Variants in FBLN2 observed in about 807,000 individuals in gnomAD.
FBLN2 encodes fibulin-2.
FBLN2 carries 81 observed loss-of-function variants against 123.7 expected under a neutral mutation model. The ratio of observed to expected loss-of-function variants is 0.65; its 90% CI spans 0.55 to 0.79. The LOEUF is 0.79. Among genes scored for constraint, FBLN2 ranks in the 30% least tolerant of loss-of-function variants. The pLI is 0.00. For missense variants in FBLN2, 1,603 were observed against 1,681.3 expected (o/e 0.95, Z 0.81); for synonymous variants, 699 against 701.4 (o/e 1.00, Z 0.05).
At chr3:13,552,919 A>G (rs1317162481) in intron 1 of FBLN2, among the ~76,000 whole-genome samples, 1 of 152,066 alleles carries the variant, frequency 6.6e-6, no homozygotes, top group Non-Finnish European at 1.5e-5. Context: ...GCCCCTTTTA[A>G]GGTCATCCCC....
chr3:13,586,428 C>T (rs1342255254), intron 2 of FBLN2, among the ~76,000 whole-genome samples: 2 of 151,476 alleles, frequency 1.3e-5, no homozygotes, highest in African/African-American at 4.9e-5. Flanking sequence ...CGTGATCCGC[C>T]TGCCTAGGCC....
rs1356809957 is a variant in FBLN2 at position 13,636,323 on chromosome 3, G to A, written c.3215-122G>A. The A allele has an allele frequency of 6.7e-6, 8 of 1,200,542 alleles. No individual in the cohort carries two copies. In the African/African-American group the frequency reaches 1.2e-4, roughly 18 times the overall value. The allele number at this position is 1,200,542 out of a possible 1,614,324, so 74.4% of individuals were successfully genotyped here. A position where few individuals can be genotyped will look rare whatever the true frequency, so the allele number is the denominator to read the frequency against. The stretch of plus-strand genomic sequence containing the variant: ...AGATGGGGCATGTGTGTGCAGGGAG[G>A]CACGCGGGCTATTCTCACAGGTCCG... On this transcript the variant is annotated intron_variant, in intron 16 of 17. Coordinates refer to ENST00000404922, the MANE Select transcript of FBLN2 (RefSeq NM_001004019.2).
chr3:13,575,151 C>CA (rs1704094707), intron 2 of FBLN2, among the ~76,000 whole-genome samples: 1 of 152,186 alleles, frequency 6.6e-6, no homozygotes, highest in Admixed American at 6.5e-5. Context: ...CAAATTAGCT[C>CA]ATTTAATCCT....
At chr3:13,629,438 C>G in intron 13 of FBLN2, 146 bp downstream of exon 13, 1 of 1,149,856 alleles carries the variant, frequency 8.7e-7, no homozygotes, top group Non-Finnish European at 1.2e-6. Context: ...CAGCTGGCCT[C>G]ATCCTCCTGC....
At chr3:13,633,985 A>ACACACACACACACACACACACACACC (rs1706359179) in intron 16 of FBLN2, among the ~76,000 whole-genome samples, 1 of 151,496 alleles carries the variant, frequency 6.6e-6, no homozygotes, top group Non-Finnish European at 1.5e-5. Flanking sequence ...ACACACACAC[A>ACACACACACACACACACACACACACC]CACACACACA....
chr3:13,581,194 G>A (rs1383975231), intron 2 of FBLN2, among the ~76,000 whole-genome samples: 1 of 151,118 alleles, frequency 6.6e-6, no homozygotes, highest in Non-Finnish European at 1.5e-5. Context: ...ACACACACGC[G>A]GGGAAGTCAG....
rs1355476832 is a variant in FBLN2, at chr3:13,621,932, C to A, written c.2296+17C>A. On this transcript the variant is annotated intron_variant, in intron 9 of 17. Transcript: ENST00000404922. ...AGTGCGTGGGTAAGCCAGGGCCCCGCCTGCCGCCCGCCGTCACAGCTCTCC... is the reference window on the plus strand; with the variant it reads ...AGTGCGTGGGTAAGCCAGGGCCCCGACTGCCGCCCGCCGTCACAGCTCTCC... The A allele has an allele frequency of 8.1e-6, 13 of 1,606,302 alleles. No homozygotes were observed. Among genetic ancestry groups the A allele is most frequent in the Non-Finnish European group, 1.1e-5 (13 of 1,177,038 alleles).
At chr3:13,563,876 G>A (rs1284804916) in intron 1 of FBLN2, among the ~76,000 whole-genome samples, 1 of 152,132 alleles carries the variant, frequency 6.6e-6, no homozygotes, top group African/African-American at 2.4e-5. Context: ...GGTTGGAGGG[G>A]CAGGAGCTCC....
chr3:13,615,698 G>A (rs569406692), intron 5 of FBLN2, among the ~76,000 whole-genome samples: 20 of 152,360 alleles, frequency 1.3e-4, no homozygotes, highest in Admixed American at 9.8e-4. Context: ...TGCTGTTACC[G>A]TTGCCGTGCT....
At chr3:13,622,924 G>A (rs988443951) in intron 9 of FBLN2, among the ~76,000 whole-genome samples, 3 of 152,244 alleles carry the variant, frequency 2.0e-5, no homozygotes, top group Non-Finnish European at 4.4e-5. Context: ...GTAAGGGCAT[G>A]CAGCGTAGAA....
At chr3:13,620,099 C>T (rs1705797844) in intron 8 of FBLN2, among the ~76,000 whole-genome samples, 1 of 152,146 alleles carries the variant, frequency 6.6e-6, no homozygotes, top group Non-Finnish European at 1.5e-5. Context: ...CTCCGCATTT[C>T]CCGGAGCAGT....
At chr3:13,572,620 A>G (rs1219680182) in intron 2 of FBLN2, among the ~76,000 whole-genome samples, 1 of 152,268 alleles carries the variant, frequency 6.6e-6, no homozygotes, top group Non-Finnish European at 1.5e-5. Flanking sequence ...AGAGGCTGGT[A>G]GGCGGCCCAG....
intron 6 of FBLN2, 68 bp downstream of exon 6, chr3:13,618,353 C>T: frequency 6.9e-7 from 1 of 1,458,768 alleles, no homozygotes; most frequent in Non-Finnish European, 9.5e-7. Context: ...TGTGGCATTC[C>T]TGGGGTGCAC....
At position 13,631,373 on chromosome 3, in the gene FBLN2, C is replaced by T. The variant is rs760825665; in HGVS notation, c.3130C>T (p.Arg1044Cys). Residue 1044 changes from arginine (R) to cysteine (C), a missense_variant, in exon 16 of 18, where the codon CGC (arginine) becomes TGC (cysteine). Physicochemically the swap from Arg to Cys is radical, Grantham distance 180. Transcript: ENST00000404922. ...AQGAGILCTFRCLNVPGSYQC... is the reference protein window; with the variant it reads ...AQGAGILCTFCCLNVPGSYQC... ...AGGCGCCGGCATCCTCTGCACCTTC[C>T]GCTGTCTCAACGTGCCAGGGAGCTA... is the stretch of plus-strand genomic sequence containing the variant. The T allele has an allele frequency of 1.3e-5, 21 of 1,602,738 alleles. No homozygotes were observed. The highest frequency in any genetic ancestry group is 1.6e-5 in the Non-Finnish European group (19 of 1,175,086).
At chr3:13,626,414 G>T in intron 9 of FBLN2, 31 bp from the exon 10 acceptor site, 11 of 1,545,238 alleles carry the variant, frequency 7.1e-6, no homozygotes, top group Non-Finnish European at 9.7e-6. Flanking sequence ...TGGGGACTCT[G>T]CAGCCTCTGA....
At chr3:13,586,485 T>C (rs1704504062) in intron 2 of FBLN2, among the ~76,000 whole-genome samples, 1 of 147,382 alleles carries the variant, frequency 6.8e-6, no homozygotes, top group African/African-American at 2.6e-5. Context: ...GCCTGGCGTA[T>C]GTCTTAGTTG....
At chr3:13,630,888 C>A in intron 15 of FBLN2, 73 bp downstream of exon 15, 2 of 1,147,152 alleles carry the variant, frequency 1.7e-6, no homozygotes, top group Non-Finnish European at 2.5e-6. Context: ...CCCCGAGAGT[C>A]CCTGCTGGGC....
In FBLN2 at chr3:13,618,181, C is replaced by A; in HGVS notation, c.1835C>A (p.Pro612Gln). The change falls in exon 6 of 18, where the codon CCG becomes CAG. Residue 612 changes from proline to glutamine, a missense_variant. By Grantham distance (76) the Pro-to-Gln change is moderately conservative. Transcript: ENST00000404922. ...GACCAGGATGAGTGCCTTCTCCTCC[C>A]GGGAGAGCTGTGCCAGCACCTTTGC... ...GDDQDECLLLPGELCQHLCIN... is the reference protein window; with the variant it reads ...GDDQDECLLLQGELCQHLCIN... 1 of 1,613,800 alleles carries A rather than the reference C, an allele frequency of 6.2e-7. No individual in the cohort carries two copies. Among genetic ancestry groups the A allele is most frequent in the Non-Finnish European group, 8.5e-7 (1 of 1,179,870 alleles).
At chr3:13,593,747 C>A (rs1574967630) in intron 2 of FBLN2, among the ~76,000 whole-genome samples, 3 of 148,126 alleles carry the variant, frequency 2.0e-5, no homozygotes, top group African/African-American at 7.5e-5. Flanking sequence ...AAGATAATTG[C>A]CCCTAGCCTG....
Sources: gnomAD v4.1 joint callset for allele counts (sites outside exome capture counted in the v4.1 genomes callset) on GRCh38, gnomAD v4.1.1 for gene constraint, MANE v1.5 for transcripts, NCBI Gene and HGNC (gene_info 2026-07-23, HGNC 2026-07-21) for gene names.